The following WDR70 variants were observed in gnomAD, a reference collection of about 807,000 sequenced individuals.
WDR70 encodes the protein WD repeat domain 70, also known as WD repeat-containing protein 70.
WDR70 carries 53 observed loss-of-function variants against 88.6 expected under a neutral mutation model. The ratio of observed to expected loss-of-function variants is 0.60; its 90% CI spans 0.48 to 0.75. WDR70 has a LOEUF of 0.75. Among genes scored for constraint, WDR70 ranks in the 30% least tolerant of loss-of-function variants. The probability of loss-of-function intolerance (pLI) is 0.00; values close to 1 mark genes in which losing one functional copy is unlikely to be tolerated. For missense variants in WDR70, 610 were observed against 823.2 expected (o/e 0.74, Z 3.17); for synonymous variants, 280 against 270.0 (o/e 1.04, Z -0.36).
intron 10 of WDR70, among the ~76,000 whole-genome samples, chr5:37,679,733 C>T (rs574207565): frequency 1.6e-4 from 24 of 152,326 alleles, no homozygotes; most frequent in Non-Finnish European, 2.5e-4. Flanking sequence ...TCTCCAGCTG[C>T]GTGCTGGGAG....
chr5:37,487,270 T>G (rs1366614976), intron 8 of WDR70, among the ~76,000 whole-genome samples: 1 of 152,156 alleles, frequency 6.6e-6, no homozygotes, highest in Non-Finnish European at 1.5e-5. Flanking sequence ...GAAATGTTAC[T>G]GATATCTTAA....
At chr5:37,424,356 A>C (rs1750054439) in intron 5 of WDR70, among the ~76,000 whole-genome samples, 1 of 150,500 alleles carries the variant, frequency 6.6e-6, no homozygotes, top group Non-Finnish European at 1.5e-5. Flanking sequence ...AAGACATGCC[A>C]AATGGAGGCA....
chr5:37,728,450 A>C (rs574986561), intron 17 of WDR70, among the ~76,000 whole-genome samples: 1 of 151,870 alleles, frequency 6.6e-6, no homozygotes, highest in Admixed American at 6.6e-5. Flanking sequence ...CCAGGATCCC[A>C]CATTGTACTT....
intron 8 of WDR70, among the ~76,000 whole-genome samples, chr5:37,490,583 A>G (rs114611552): frequency 2.2e-4 from 33 of 151,824 alleles, no homozygotes; most frequent in Non-Finnish European, 4.6e-4. Context: ...TGTCTGTGGT[A>G]CCTGCCCCAG....
intron 8 of WDR70, chr5:37,506,305 C>T: frequency 1.1e-6 from 1 of 930,508 alleles, no homozygotes; most frequent in Admixed American, 1.7e-5. Context: ...ATTGCCACTT[C>T]TAGGTGTTCA....
At chr5:37,560,768 C>T (rs1048768728) in intron 9 of WDR70, among the ~76,000 whole-genome samples, 34 of 149,460 alleles carry the variant, frequency 2.3e-4, no homozygotes, top group African/African-American at 6.9e-4. Context: ...ATTAGCTATT[C>T]GTCATTTATT....
intron 10 of WDR70, among the ~76,000 whole-genome samples, chr5:37,666,165 G>T (rs897449630): frequency 6.6e-6 from 1 of 152,222 alleles, no homozygotes. Flanking sequence ...CTGTGCTTCC[G>T]GTGTTGGCAT....
chr5:37,561,726 G>T (rs1427786547), intron 9 of WDR70, among the ~76,000 whole-genome samples: 3 of 152,108 alleles, frequency 2.0e-5, no homozygotes, highest in African/African-American at 7.2e-5. Context: ...TCCTCTGGTG[G>T]GTAGAATCCC....
intron 5 of WDR70, among the ~76,000 whole-genome samples, chr5:37,433,948 T>C (rs1750391103): frequency 6.6e-6 from 1 of 152,196 alleles, no homozygotes; most frequent in South Asian, 2.1e-4. Flanking sequence ...AATTAAATAA[T>C]AAATGTTTCT....
intron 10 of WDR70, among the ~76,000 whole-genome samples, chr5:37,611,779 G>T (rs1467061258): frequency 1.7e-5 from 2 of 117,700 alleles, no homozygotes; most frequent in Admixed American, 8.8e-5. Flanking sequence ...TTTGATTTCA[G>T]CCTTTTTTTT....
intron 7 of WDR70, among the ~76,000 whole-genome samples, chr5:37,457,359 G>C (rs1738874585): frequency 6.6e-6 from 1 of 152,208 alleles, no homozygotes; most frequent in Admixed American, 6.5e-5. Context: ...GCCTCCCAAA[G>C]TGCTGGGATT....
intron 8 of WDR70, among the ~76,000 whole-genome samples, chr5:37,480,929 G>C (rs1739645002): frequency 6.6e-6 from 1 of 152,178 alleles, no homozygotes; most frequent in African/African-American, 2.4e-5. Context: ...ACAGGCTTTG[G>C]GTAAATACAC....
rs114738566 is a variant in WDR70 at position 37,394,235 on chromosome 5, G to A, written c.296+2115G>A. 3.8e-3 allele frequency among the ~76,000 whole-genome samples: 581 copies of A among 151,356 alleles called. 6 individuals are homozygous for A. The highest frequency in any genetic ancestry group is 0.013 in the African/African-American group (554 of 41,102). ...CAAGAGAATCACTTGAACCCAGGACGGGGAGTGAGCGAAGATCATGCCCTG... is the reference window on the plus strand; with the variant it reads ...CAAGAGAATCACTTGAACCCAGGACAGGGAGTGAGCGAAGATCATGCCCTG... On this transcript the variant is annotated intron_variant, in intron 4 of 17. Coordinates refer to ENST00000265107, the MANE Select transcript of WDR70 (RefSeq NM_018034.4).
At chr5:37,653,051 G>A (rs572513547) in intron 10 of WDR70, among the ~76,000 whole-genome samples, 10 of 151,996 alleles carry the variant, frequency 6.6e-5, no homozygotes, top group South Asian at 2.1e-4. Context: ...GCTTTTTCCC[G>A]TTCAGTGTGA....
intron 5 of WDR70, among the ~76,000 whole-genome samples, chr5:37,422,981 T>C (rs377365838): frequency 1.3e-5 from 2 of 152,118 alleles, no homozygotes; most frequent in African/African-American, 4.8e-5. Context: ...AAGTTTTTGA[T>C]TGCTACCAAG....
At chr5:37,538,263 C>T (rs902780913) in intron 9 of WDR70, among the ~76,000 whole-genome samples, 3 of 152,158 alleles carry the variant, frequency 2.0e-5, no homozygotes, top group Non-Finnish European at 4.4e-5. Context: ...CAACTGGAAG[C>T]TACATATTTT....
intron 10 of WDR70, among the ~76,000 whole-genome samples, chr5:37,697,374 G>A (rs531745001): frequency 6.6e-6 from 1 of 152,318 alleles, no homozygotes; most frequent in African/African-American, 2.4e-5. Context: ...ATAAGAAGAA[G>A]TTATTGTAGT....
chr5:37,415,492 G>GC (rs1749687613), intron 5 of WDR70, among the ~76,000 whole-genome samples: 1 of 72,522 alleles, frequency 1.4e-5, no homozygotes, highest in African/African-American at 5.4e-5. Flanking sequence ...GGAAGGGGCG[G>GC]CTGGGGGTGG....
chr5:37,680,544 A>G (rs1333254807), intron 10 of WDR70, among the ~76,000 whole-genome samples: 1 of 152,182 alleles, frequency 6.6e-6, no homozygotes, highest in Non-Finnish European at 1.5e-5. Flanking sequence ...TTTACATTTA[A>G]GTCTTCAATC....
Sources: allele counts gnomAD v4.1 joint callset (sites outside exome capture counted in the v4.1 genomes callset), GRCh38; gene constraint gnomAD v4.1.1; transcripts MANE v1.5; gene names NCBI Gene and HGNC (gene_info 2026-07-23, HGNC 2026-07-21).